VCPIP1: variants seen among roughly 807,000 people sequenced by gnomAD.
VCPIP1 encodes the protein deubiquitinating protein VCPIP1.
VCPIP1 carries 8 observed loss-of-function variants against 85.0 expected under a neutral mutation model. The ratio of observed to expected loss-of-function variants is 0.09; its 90% CI spans 0.06 to 0.17. VCPIP1 has a LOEUF of 0.17. Ranked by LOEUF, VCPIP1 falls within the 10% of genes least tolerant of loss-of-function variation. The pLI, the probability that VCPIP1 is intolerant of heterozygous loss-of-function variation, is 1.00. For synonymous variants in VCPIP1, 543 were observed against 544.5 expected, an observed-to-expected ratio of 1.00 and a Z score of 0.04; for missense variants, 1,070 against 1,486.3, an observed-to-expected ratio of 0.72 and a Z score of 4.61.
In VCPIP1 at chr8:66,634,427, C is replaced by T. The variant is rs1001987131; in HGVS notation, c.*74G>A. ...ACGTACAAGATTTTTAATGACTAATCAAGTTACGTGGCCCAGCCAACAAAT... is the reference window on the plus strand; with the variant it reads ...ACGTACAAGATTTTTAATGACTAATTAAGTTACGTGGCCCAGCCAACAAAT... On this transcript the variant is annotated 3_prime_UTR_variant, in exon 3 of 3. Coordinates refer to ENST00000310421, the MANE Select transcript of VCPIP1 (RefSeq NM_025054.5). 2.0e-6 allele frequency: 3 copies of T among 1,484,348 alleles called. No individual in the cohort carries two copies. The highest frequency in any genetic ancestry group is 2.7e-6 in the Non-Finnish European group (3 of 1,108,840). 91.9% of individuals were successfully genotyped at this position (1,484,348 alleles called of 1,614,324 possible). A position where few individuals can be genotyped will look rare whatever the true frequency, so the allele number is the denominator to read the frequency against.
rs1178506790 is a variant in VCPIP1, at chr8:66,665,356, G to A, written c.1603C>T (p.Leu535=). ...VLVPDYGMSN[L]TACNWCHGTS... is the part of the protein sequence containing the mutation. ...CCATGGCACCAATTACAAGCTGTTA[G>A]GTTACTCATTCCATAGTCTGGTACC... The change falls in exon 1 of 3, where the codon CTA becomes TTA. Residue 535 remains leucine (L), a synonymous_variant. Coordinates refer to ENST00000310421, the MANE Select transcript of VCPIP1 (RefSeq NM_025054.5). The surrounding 1 kb of genome is among the most constrained non-coding windows in gnomAD (Gnocchi z 4.3). 6.2e-7 allele frequency: 1 copy of A among 1,614,102 alleles called. No homozygotes were observed. Among genetic ancestry groups the A allele is most frequent in the Admixed American group, 1.7e-5 (1 of 60,014 alleles).
At position 66,634,100 on chromosome 8, in the gene VCPIP1, T is replaced by A. The variant is rs1810860668; in HGVS notation, c.*401A>T. On this transcript the variant is annotated 3_prime_UTR_variant, in exon 3 of 3. Coordinates refer to ENST00000310421, the MANE Select transcript of VCPIP1 (RefSeq NM_025054.5). ...AACCTTTTGACACTAGTATATGAGA[T>A]GGTTACCTTGATGACATCAACATTA... The A allele has an allele frequency of 6.3e-6, 1 of 157,906 alleles. No individual in the cohort carries two copies. The highest frequency in any genetic ancestry group is 6.5e-5 in the Admixed American group (1 of 15,480). 9.8% of individuals were successfully genotyped at this position (157,906 alleles called of 1,614,324 possible). A position where few individuals can be genotyped will look rare whatever the true frequency, so the allele number is the denominator to read the frequency against.
intron 2 of VCPIP1, among the ~76,000 whole-genome samples, chr8:66,638,970 C>CTCTCTATATATATATA: frequency 1.7e-5 from 2 of 118,428 alleles, no homozygotes; most frequent in Admixed American, 8.6e-5. Context: ...CTCTCTCTCT[C>CTCTCTATATATATATA]TATATATATA....
chr8:66,650,198 C>T (rs1187775965), intron 2 of VCPIP1, among the ~76,000 whole-genome samples: 4 of 151,728 alleles, frequency 2.6e-5, no homozygotes, highest in Non-Finnish European at 4.4e-5. Context: ...TTAAAATAGT[C>T]CAATTAAAAA....
At chr8:66,645,305 C>T (rs993001499) in intron 2 of VCPIP1, among the ~76,000 whole-genome samples, 5 of 151,938 alleles carry the variant, frequency 3.3e-5, no homozygotes, top group Admixed American at 6.6e-5. Context: ...GTAGTCTCAG[C>T]TACTCGGGAA....
At chr8:66,650,860 CAAAAAAAAAAAAAAAAAAAA>C (rs770736039) in intron 2 of VCPIP1, among the ~76,000 whole-genome samples, 1 of 13,916 alleles carries the variant, frequency 7.2e-5, no homozygotes, top group Non-Finnish European at 1.5e-4. Context: ...GACTTCGTCT[CAAAAAAAAAAAAAAAAAAAA>C]AAAAAAAAAG....
rs186399496 is a variant in VCPIP1 at position 66,663,364 on chromosome 8, A to G, written c.2710+885T>C. Reference sequence around the variant, plus strand: ...AAAACCCAGATGACTTTTCTCGTTGAAAGCTTTAATCTCAGCAAAAATAAA... The same window carrying G: ...AAAACCCAGATGACTTTTCTCGTTGGAAGCTTTAATCTCAGCAAAAATAAA... On this transcript the variant is annotated intron_variant, in intron 1 of 2. Transcript: ENST00000310421. Among the ~76,000 whole-genome samples the G allele has an allele frequency of 3.1e-3, 472 of 152,300 alleles. 2 individuals carry two copies. The highest frequency in any genetic ancestry group is 4.8e-3 in the Non-Finnish European group (329 of 68,020).
At chr8:66,658,636 G>A (rs1299857381) in intron 1 of VCPIP1, among the ~76,000 whole-genome samples, 1 of 151,868 alleles carries the variant, frequency 6.6e-6, no homozygotes, top group African/African-American at 2.4e-5. Context: ...TTACAGGCGA[G>A]CGCCATCATG....
chr8:66,646,753 G>A (rs1205542138), intron 2 of VCPIP1, among the ~76,000 whole-genome samples: 1 of 151,040 alleles, frequency 6.6e-6, no homozygotes, highest in East Asian at 2.0e-4. Context: ...ACCCAAGATC[G>A]TGCACTCCAT....
intron 1 of VCPIP1, among the ~76,000 whole-genome samples, chr8:66,661,041 C>CA (rs1038408311): frequency 9.5e-5 from 14 of 147,734 alleles, no homozygotes; most frequent in Non-Finnish European, 1.5e-4. Context: ...GACTCTGTCT[C>CA]AAAAAAAAAA....
chr8:66,648,400 TATCTATCTAATCTA>T (rs1275934318), intron 2 of VCPIP1, among the ~76,000 whole-genome samples: 4 of 152,150 alleles, frequency 2.6e-5, no homozygotes, highest in Admixed American at 2.6e-4. Flanking sequence ...TCTGTCTGTC[TATCTATCTAATCTA>T]ATCTATCTAA....
chr8:66,648,463 C>T (rs1009001133), intron 2 of VCPIP1, among the ~76,000 whole-genome samples: 11 of 152,048 alleles, frequency 7.2e-5, no homozygotes, highest in Non-Finnish European at 1.2e-4. Flanking sequence ...ATCATCCATC[C>T]GTCCATCTAC....
chr8:66,651,185 CAAAAAAAAAA>C (rs896750189), intron 2 of VCPIP1, among the ~76,000 whole-genome samples: 2 of 51,152 alleles, frequency 3.9e-5, no homozygotes, highest in Non-Finnish European at 9.9e-5. Flanking sequence ...AATTCCATCT[CAAAAAAAAAA>C]AAAAAAAAAG....
chr8:66,640,712 C>T (rs1318583473), intron 2 of VCPIP1, among the ~76,000 whole-genome samples: 1 of 151,786 alleles, frequency 6.6e-6, no homozygotes, highest in Non-Finnish European at 1.5e-5. Context: ...GATGGCTTGA[C>T]GGGGGGTACT....
chr8:66,657,790 A>T (rs1811114510), intron 1 of VCPIP1, among the ~76,000 whole-genome samples: 1 of 152,114 alleles, frequency 6.6e-6, no homozygotes. Flanking sequence ...AAAAATATTT[A>T]AAATAAAAGT....
chr8:66,664,504 A>T lies in VCPIP1; in HGVS notation c.2455T>A (p.Tyr819Asn). ...NIPPYLQCIRYGFPPKELMPP... is the reference protein window; with the variant it reads ...NIPPYLQCIRNGFPPKELMPP... ...ATTAACTCTTTAGGAGGAAACCCGT[A>T]TCGAATACACTGTAAATATGGAGGA... Residue 819 changes from tyrosine (Y) to asparagine (N), a missense_variant, in exon 1 of 3, where the codon TAC becomes AAC. By Grantham distance (143) the Tyr-to-Asn change is moderately radical (BLOSUM62 -2). Transcript: ENST00000310421. 1.9e-6 allele frequency: 3 copies of T among 1,614,218 alleles called. No homozygotes were observed. The highest frequency in any genetic ancestry group is 2.5e-6 in the Non-Finnish European group (3 of 1,180,052).
At position 66,653,217 on chromosome 8, in the gene VCPIP1, G is replaced by A. The variant is rs183192336; in HGVS notation, c.2711-1673C>T. Among the ~76,000 whole-genome samples, 56 of 149,356 alleles carry A rather than the reference G, an allele frequency of 3.7e-4. No individual in the cohort carries two copies. In the East Asian group the frequency reaches 8.3e-3, roughly 22 times the overall value. On this transcript the variant is annotated intron_variant, in intron 1 of 2. Transcript: ENST00000310421. ...TATATTTAAGGATGGACACACAGAA[G>A]TTTAATATTAATAAGAGTCCACAAA...
intron 2 of VCPIP1, among the ~76,000 whole-genome samples, chr8:66,650,258 G>A (rs1405063542): frequency 1.3e-5 from 2 of 152,084 alleles, no homozygotes; most frequent in South Asian, 4.1e-4. Context: ...TAGGTAAATG[G>A]GGATTCATTA....
intron 2 of VCPIP1, among the ~76,000 whole-genome samples, chr8:66,650,860 CAAAAAAAA>C (rs770736039): frequency 1.4e-4 from 2 of 13,916 alleles, no homozygotes; most frequent in Non-Finnish European, 2.9e-4. Context: ...GACTTCGTCT[CAAAAAAAA>C]AAAAAAAAAA....
Sources: gnomAD v4.1 joint callset for allele counts (sites outside exome capture counted in the v4.1 genomes callset) on GRCh38, gnomAD v4.1.1 for gene constraint, Gnocchi (gnomAD v3.1) non-coding constraint, MANE v1.5 for transcripts, NCBI Gene and HGNC (gene_info 2026-07-23, HGNC 2026-07-21) for gene names.